Variants in SPTAN1 observed in about 807,000 individuals in gnomAD.
SPTAN1 encodes the protein spectrin alpha chain, non-erythrocytic 1.
SPTAN1 carries 61 observed loss-of-function variants against 331.3 expected under a neutral mutation model. The ratio of observed to expected loss-of-function variants is 0.18; its 90% confidence interval spans 0.15 to 0.23. The LOEUF (loss-of-function observed/expected upper bound fraction) is 0.23. Among genes scored for constraint, SPTAN1 ranks in the 10% least tolerant of loss-of-function variants. The probability of loss-of-function intolerance (pLI) is 1.00; values close to 1 mark genes in which losing one functional copy is unlikely to be tolerated. For missense variants in SPTAN1, 2,043 were observed against 3,147.9 expected, an observed-to-expected ratio of 0.65 and a Z score of 8.40; for synonymous variants, 1,153 against 1,173.9, an observed-to-expected ratio of 0.98 and a Z score of 0.36.
chr9:128,603,867 T>A (rs758341534), intron 28 of SPTAN1, among the ~76,000 whole-genome samples: 8 of 152,256 alleles, frequency 5.3e-5, no homozygotes, highest in South Asian at 2.1e-4. Context: ...ACAGTCTCAG[T>A]AATGCAGTGA....
intron 1 of SPTAN1, among the ~76,000 whole-genome samples, chr9:128,561,707 A>G (rs945549423): frequency 2.0e-5 from 3 of 146,722 alleles, no homozygotes; most frequent in Admixed American, 6.9e-5. Context: ...CAATATGTCA[A>G]CTCTAATCAT....
chr9:128,579,495 G>T, intron 9 of SPTAN1, 142 bp from the exon 10 acceptor site: 1 of 691,728 alleles, frequency 1.4e-6, no homozygotes. Context: ...TTATGTATTA[G>T]GAAATCTGGC....
At chr9:128,555,332 TC>T (rs1204307267) in intron 1 of SPTAN1, 2 of 1,287,826 alleles carry the variant, frequency 1.6e-6, no homozygotes, top group East Asian at 5.6e-5. Flanking sequence ...ATCTTGCTCT[TC>T]CCCCTCCCTC....
At chr9:128,605,206 C>T in intron 30 of SPTAN1, 28 bp downstream of exon 30, 1 of 1,614,138 alleles carries the variant, frequency 6.2e-7, no homozygotes, top group Non-Finnish European at 8.5e-7. Flanking sequence ...CATCTTCTGT[C>T]TGGCATTTTT....
At chr9:128,584,091 T>A in intron 16 of SPTAN1, 122 bp downstream of exon 16, 1 of 1,464,150 alleles carries the variant, frequency 6.8e-7, no homozygotes, top group African/African-American at 1.4e-5. Context: ...TTTTCTTAGA[T>A]CGCTCTGTGC....
At chr9:128,571,292 A>G (rs1238391547) in intron 3 of SPTAN1, among the ~76,000 whole-genome samples, 1 of 14,294 alleles carries the variant, frequency 7.0e-5, no homozygotes. Flanking sequence ...TGGGAAAAAG[A>G]AAAAAAAAAA....
intron 33 of SPTAN1, 38 bp downstream of exon 33, chr9:128,608,087 G>C: frequency 6.2e-7 from 1 of 1,614,164 alleles, no homozygotes; most frequent in Non-Finnish European, 8.5e-7. Context: ...GTGTTTCCTT[G>C]CTGAAGGGCC....
At position 128,629,894 on chromosome 9, in the gene SPTAN1, C is replaced by T; in HGVS notation, c.6708-427C>T. 2.9e-6 allele frequency: 1 copy of T among 349,648 alleles called. No individual in the cohort carries two copies. The highest frequency in any genetic ancestry group is 5.6e-6 in the Non-Finnish European group (1 of 177,980). The allele number at this position is 349,648 out of a possible 1,614,324, so 21.7% of individuals were successfully genotyped here. A position where few individuals can be genotyped will look rare whatever the true frequency, so the allele number is the denominator to read the frequency against. On this transcript the variant is annotated intron_variant, in intron 51 of 56. Transcript: ENST00000372739. The surrounding 1 kb of genome is among the most constrained non-coding windows in gnomAD (Gnocchi z 4.9). ...ACCTTGCCGGGACACTCCAGGGTTT[C>T]TGTGGGGAGGCTGTCAGGTTCTCAG...
At chr9:128,578,291 T>G in intron 9 of SPTAN1, 46 bp downstream of exon 9, 1 of 1,610,566 alleles carries the variant, frequency 6.2e-7, no homozygotes, top group Non-Finnish European at 8.5e-7. Flanking sequence ...TTTTAGCTTA[T>G]AATGCACCAG....
At chr9:128,580,216 G>A (rs950048096) in intron 10 of SPTAN1, among the ~76,000 whole-genome samples, 13 of 151,450 alleles carry the variant, frequency 8.6e-5, no homozygotes, top group African/African-American at 3.2e-4. Context: ...TGAGTTCAAG[G>A]TTATAATGAG....
chr9:128,557,189 C>G (rs1275781569), intron 1 of SPTAN1, among the ~76,000 whole-genome samples: 1 of 152,222 alleles, frequency 6.6e-6, no homozygotes, highest in Non-Finnish European at 1.5e-5. Flanking sequence ...CCCTTTCTTG[C>G]AAAACTGTAT....
intron 41 of SPTAN1, among the ~76,000 whole-genome samples, chr9:128,616,553 G>A (rs529723191): frequency 2.7e-5 from 4 of 150,552 alleles, no homozygotes; most frequent in East Asian, 4.1e-4. Flanking sequence ...GATCACTTGA[G>A]GTCAGGAGTT....
intron 2 of SPTAN1, among the ~76,000 whole-genome samples, chr9:128,567,669 A>G (rs1850194522): frequency 6.6e-6 from 1 of 152,242 alleles, no homozygotes; most frequent in Non-Finnish European, 1.5e-5. Flanking sequence ...ATATCAAAGA[A>G]TAAGTACTTA....
intron 14 of SPTAN1, 97 bp downstream of exon 14, chr9:128,582,946 C>T (rs1425936398): frequency 1.7e-5 from 27 of 1,588,326 alleles, no homozygotes; most frequent in Non-Finnish European, 2.2e-5. Context: ...TAAGGGATTC[C>T]AGAAACCCCA....
intron 27 of SPTAN1, among the ~76,000 whole-genome samples, chr9:128,602,432 G>A (rs1330705304): frequency 2.0e-5 from 3 of 151,846 alleles, no homozygotes; most frequent in Non-Finnish European, 4.4e-5. Flanking sequence ...GGCCAGGCTG[G>A]TATTGATCTC....
At chr9:128,594,700 G>A (rs1004306926) in intron 24 of SPTAN1, among the ~76,000 whole-genome samples, 10 of 151,566 alleles carry the variant, frequency 6.6e-5, no homozygotes, top group African/African-American at 1.7e-4. Context: ...CCAAAGTACT[G>A]GGATTATAGG....
In SPTAN1 at chr9:128,632,581, CAAGGACA is replaced by C; in HGVS notation, c.7025_7031del (p.Lys2342SerfsTer5). 1 of 1,614,094 alleles carries C rather than the reference CAAGGACA, an allele frequency of 6.2e-7. No homozygotes were observed. Among genetic ancestry groups the C allele is most frequent in the Non-Finnish European group, 8.5e-7 (1 of 1,180,034 alleles). On this transcript the variant is annotated frameshift_variant, in exon 55 of 57. Coordinates refer to ENST00000372739, the MANE Select transcript of SPTAN1 (RefSeq NM_001130438.3). LOFTEE classifies it high-confidence loss of function. ...CGGCTTTGTGCTGCAGACACTTTGA[CAAGGACA>C]AGTCTGGCAGGCTGAACCATCAGGA...
intron 21 of SPTAN1, among the ~76,000 whole-genome samples, chr9:128,590,912 G>A (rs2131306959): frequency 6.6e-6 from 1 of 152,284 alleles, no homozygotes; most frequent in Non-Finnish European, 1.5e-5. Flanking sequence ...TGGCTACAGT[G>A]TTAGCACAGC....
chr9:128,628,122 G>GTCCC (rs1370844669), intron 51 of SPTAN1, 180 bp downstream of exon 51: 2 of 837,822 alleles, frequency 2.4e-6, no homozygotes, highest in East Asian at 2.5e-5. Context: ...ATAGCCCATG[G>GTCCC]TCCCTGGTCC....
Sources: allele counts gnomAD v4.1 joint callset (sites outside exome capture counted in the v4.1 genomes callset), GRCh38; gene constraint gnomAD v4.1.1; non-coding constraint Gnocchi (gnomAD v3.1); transcripts MANE v1.5; gene names NCBI Gene and HGNC (gene_info 2026-07-23, HGNC 2026-07-21).